The following PCOLCE2 variants were observed in gnomAD, a reference collection of about 807,000 sequenced individuals.
PCOLCE2 encodes procollagen C-proteinase enhancer 2.
A neutral mutation model predicts 47.0 loss-of-function variants in PCOLCE2; 42 were observed. That is an observed-to-expected ratio of 0.89 (90% CI 0.70 to 1.16). The LOEUF (loss-of-function observed/expected upper bound fraction) is 1.16. PCOLCE2 is among the 50% of genes most tolerant of loss of function. The pLI, the probability that PCOLCE2 is intolerant of heterozygous loss-of-function variation, is 0.00. For missense variants in PCOLCE2, 500 were observed against 526.1 expected, an observed-to-expected ratio of 0.95 and a Z score of 0.49; for synonymous variants, 169 against 191.7, an observed-to-expected ratio of 0.88 and a Z score of 0.98.
intron 2 of PCOLCE2, among the ~76,000 whole-genome samples, chr3:142,865,670 A>G (rs920980367): frequency 6.6e-6 from 1 of 152,186 alleles, no homozygotes; most frequent in Non-Finnish European, 1.5e-5. Flanking sequence ...GGATAATATA[A>G]AAGAGTAAAA....
At chr3:142,841,193 T>C (rs947501146) in intron 4 of PCOLCE2, among the ~76,000 whole-genome samples, 1 of 152,116 alleles carries the variant, frequency 6.6e-6, no homozygotes, top group Non-Finnish European at 1.5e-5. Context: ...AATTCTTTAA[T>C]AGAAGAAAAT....
intron 2 of PCOLCE2, among the ~76,000 whole-genome samples, chr3:142,884,383 T>C (rs959686039): frequency 2.6e-5 from 4 of 152,168 alleles, no homozygotes; most frequent in African/African-American, 9.7e-5. Context: ...GGATTATATA[T>C]ACCTTAGCTG....
intron 2 of PCOLCE2, among the ~76,000 whole-genome samples, chr3:142,859,131 C>T (rs1435691352): frequency 1.3e-5 from 2 of 151,522 alleles, no homozygotes; most frequent in Non-Finnish European, 2.9e-5. Flanking sequence ...GGCATGATCT[C>T]AGCTCATTGC....
intron 2 of PCOLCE2, among the ~76,000 whole-genome samples, chr3:142,850,727 G>A (rs1328708768): frequency 1.3e-5 from 2 of 152,180 alleles, no homozygotes; most frequent in East Asian, 3.9e-4. Context: ...ATGAGAAAAT[G>A]GGGTGAGAGG....
chr3:142,830,619 G>C (rs988658133), intron 5 of PCOLCE2, among the ~76,000 whole-genome samples: 1 of 152,174 alleles, frequency 6.6e-6, no homozygotes, highest in Admixed American at 6.5e-5. Flanking sequence ...AATTTTAGGA[G>C]CTTCCTGGTT....
At chr3:142,827,299 CT>C in intron 6 of PCOLCE2, 1 of 1,340,292 alleles carries the variant, frequency 7.5e-7, no homozygotes, top group Non-Finnish European at 1.1e-6. Context: ...TCCTCTTTGC[CT>C]TATATTTGTG....
chr3:142,886,832 T>C (rs552905520), intron 2 of PCOLCE2, among the ~76,000 whole-genome samples: 1 of 152,364 alleles, frequency 6.6e-6, no homozygotes, highest in South Asian at 2.1e-4. Flanking sequence ...GGTAAATGCC[T>C]GGCACACAGT....
At chr3:142,855,372 C>T (rs1053743115) in intron 2 of PCOLCE2, among the ~76,000 whole-genome samples, 1 of 152,058 alleles carries the variant, frequency 6.6e-6, no homozygotes, top group Non-Finnish European at 1.5e-5. Flanking sequence ...ACTCCTATTA[C>T]TAGCACATAC....
intron 2 of PCOLCE2, among the ~76,000 whole-genome samples, chr3:142,872,675 C>A (rs2108208620): frequency 6.6e-6 from 1 of 152,226 alleles, no homozygotes; most frequent in Non-Finnish European, 1.5e-5. Context: ...TATAGCTCAC[C>A]AAATAACCCC....
chr3:142,828,426 C>T (rs1334430653), intron 6 of PCOLCE2, among the ~76,000 whole-genome samples: 2 of 152,196 alleles, frequency 1.3e-5, no homozygotes, highest in Non-Finnish European at 2.9e-5. Context: ...TAAGTGCTCA[C>T]AGTGGCTGCC....
At position 142,820,589 on chromosome 3, in the gene PCOLCE2, A is replaced by T. The variant is rs184993496; in HGVS notation, c.1117+289T>A. On this transcript the variant is annotated intron_variant, in intron 8 of 8. Coordinates refer to ENST00000295992, the MANE Select transcript of PCOLCE2 (RefSeq NM_013363.4). ...TTCTTTAAACCTAGACAGTACTGGC[A>T]TCTTAAGTGCAATAGTCTAAAATCT... 2.4e-3 allele frequency among the ~76,000 whole-genome samples: 362 copies of T among 152,286 alleles called. 1 individual carries two copies. The highest frequency in any genetic ancestry group is 4.5e-3 in the Non-Finnish European group (308 of 68,024).
intron 5 of PCOLCE2, among the ~76,000 whole-genome samples, chr3:142,832,342 C>T (rs4683695): frequency 0.039 from 5,884 of 152,202 alleles, 140 homozygotes; most frequent in Non-Finnish European, 0.055. Context: ...TTCAGTTGAG[C>T]GTTACCATCT....
intron 3 of PCOLCE2, 46 bp downstream of exon 3, chr3:142,848,171 G>C: frequency 1.3e-6 from 2 of 1,588,274 alleles, no homozygotes; most frequent in Non-Finnish European, 1.7e-6. Flanking sequence ...GCCAAGAACA[G>C]TGAACCAACA....
rs752255624 is a variant in PCOLCE2, at chr3:142,829,743, GT to G, written c.813del (p.Lys271AsnfsTer16). ...FIGHYIFRPKKLPTTTEQPVT... is the reference protein window; with the variant it reads ...FIGHYIFRPKXLPTTTEQPVT... Reference sequence around the variant, plus strand: ...ACAGGCTGTTCTGTAGTTGTAGGCAGTTTTTTTGGCCTGAATATGTAGTGAC... The same window carrying G: ...ACAGGCTGTTCTGTAGTTGTAGGCAGTTTTTTGGCCTGAATATGTAGTGAC... On this transcript the variant is annotated frameshift_variant, in exon 6 of 9. Transcript: ENST00000295992. LOFTEE classifies it high-confidence loss of function. 6 of 1,609,740 alleles carry G rather than the reference GT, an allele frequency of 3.7e-6. No individual in the cohort carries two copies. Among genetic ancestry groups the G allele is most frequent in the Non-Finnish European group, 4.2e-6 (5 of 1,177,540 alleles).
chr3:142,882,312 T>TGG (rs1293007429), intron 2 of PCOLCE2, among the ~76,000 whole-genome samples: 3 of 152,126 alleles, frequency 2.0e-5, no homozygotes, highest in Non-Finnish European at 4.4e-5. Flanking sequence ...TCCCAAAGTA[T>TGG]TGGGATTACA....
At chr3:142,868,632 T>A (rs1331889598) in intron 2 of PCOLCE2, among the ~76,000 whole-genome samples, 1 of 152,088 alleles carries the variant, frequency 6.6e-6, no homozygotes, top group Non-Finnish European at 1.5e-5. Flanking sequence ...TGCATAACCA[T>A]TTTTTTCCCC....
chr3:142,872,539 C>T (rs1933410518), intron 2 of PCOLCE2, among the ~76,000 whole-genome samples: 1 of 152,164 alleles, frequency 6.6e-6, no homozygotes, highest in Admixed American at 6.5e-5. Flanking sequence ...TAATATCCCA[C>T]GTGCCTAGAA....
At chr3:142,866,880 T>C (rs1933293016) in intron 2 of PCOLCE2, among the ~76,000 whole-genome samples, 1 of 152,202 alleles carries the variant, frequency 6.6e-6, no homozygotes, top group South Asian at 2.1e-4. Context: ...CATATGTAAA[T>C]GCAGGCAGCT....
At chr3:142,860,785 G>T (rs1209244558) in intron 2 of PCOLCE2, among the ~76,000 whole-genome samples, 2 of 152,210 alleles carry the variant, frequency 1.3e-5, no homozygotes, top group Non-Finnish European at 2.9e-5. Flanking sequence ...CCAGGCACCA[G>T]TATTCTATCA....
Sources: allele counts gnomAD v4.1 joint callset (sites outside exome capture counted in the v4.1 genomes callset), GRCh38; gene constraint gnomAD v4.1.1; transcripts MANE v1.5; gene names NCBI Gene and HGNC (gene_info 2026-07-23, HGNC 2026-07-21).